ANK2: variants seen among roughly 807,000 people sequenced by gnomAD.
ANK2 encodes the protein ankyrin 2, also known as ankyrin-2.
ANK2 carries 83 observed loss-of-function variants against 360.5 expected under a neutral mutation model. The ratio of observed to expected loss-of-function variants is 0.23; its 90% confidence interval spans 0.19 to 0.28. ANK2 has a LOEUF of 0.28. ANK2 is among the 10% of genes least tolerant of loss of function. The pLI is 1.00. For synonymous variants in ANK2, 1,740 were observed against 1,759.5 expected (o/e 0.99, Z 0.28); for missense variants, 4,201 against 4,795.7 (o/e 0.88, Z 3.66).
At chr4:113,352,597 T>A (rs1349022718) in intron 37 of ANK2, among the ~76,000 whole-genome samples, 1 of 152,194 alleles carries the variant, frequency 6.6e-6, no homozygotes, top group Admixed American at 6.5e-5. Context: ...GGAAATCAAC[T>A]TTCTGCAATT....
chr4:113,060,015 A>G (rs1016446716), intron 1 of ANK2, among the ~76,000 whole-genome samples: 2 of 152,106 alleles, frequency 1.3e-5, no homozygotes, highest in South Asian at 2.1e-4. Context: ...ACACCCAACT[A>G]CGTTACCAAA....
intron 26 of ANK2, among the ~76,000 whole-genome samples, chr4:113,326,956 A>G (rs1171905470): frequency 1.3e-5 from 2 of 152,178 alleles, no homozygotes; most frequent in Non-Finnish European, 2.9e-5. Flanking sequence ...GTGTGCTATG[A>G]TAGCACCACT....
intron 43 of ANK2, chr4:113,372,660 G>C (rs2096780820): frequency 7.1e-7 from 1 of 1,407,034 alleles, no homozygotes; most frequent in East Asian, 2.5e-5. Flanking sequence ...GTCAGGGACA[G>C]TCCTGTCCCC....
At chr4:112,897,170 C>G (rs1204234525) in intron 1 of ANK2, among the ~76,000 whole-genome samples, 1 of 152,156 alleles carries the variant, frequency 6.6e-6, no homozygotes, top group Non-Finnish European at 1.5e-5. Flanking sequence ...TCAGGCAAAA[C>G]TAAAACCATG....
chr4:113,317,091 A>ACTCTCTAGTTTTGT (rs1046359031), intron 24 of ANK2, among the ~76,000 whole-genome samples: 6 of 152,208 alleles, frequency 3.9e-5, no homozygotes, highest in Admixed American at 3.9e-4. Flanking sequence ...TGTTGGAGTC[A>ACTCTCTAGTTTTGT]CTAGAGACAA....
the ANK2 span, among the ~76,000 whole-genome samples, chr4:112,732,159 T>C: frequency 6.6e-6 from 1 of 152,252 alleles, no homozygotes; most frequent in African/African-American, 2.4e-5. Context: ...CCACTGGGTG[T>C]ATCAGCTCAT....
At chr4:112,746,671 T>C in the ANK2 span, among the ~76,000 whole-genome samples, 8 of 152,194 alleles carry the variant, frequency 5.3e-5, no homozygotes, top group African/African-American at 1.9e-4. Context: ...TAAAATTTGG[T>C]TTCATCTGCA....
chr4:112,958,357 C>T (rs113162423), intron 2 of ANK2, among the ~76,000 whole-genome samples: 1 of 152,196 alleles, frequency 6.6e-6, no homozygotes, highest in African/African-American at 2.4e-5. Flanking sequence ...CTCGGGAGGC[C>T]GAGGCTGGCG....
intron 22 of ANK2, among the ~76,000 whole-genome samples, chr4:113,295,220 T>C (rs1048836523): frequency 1.3e-5 from 2 of 152,168 alleles, no homozygotes; most frequent in African/African-American, 4.8e-5. Flanking sequence ...TGCTGAAGAA[T>C]TATCAGTGGT....
chr4:113,320,620 T>A (rs1390112191), intron 26 of ANK2, among the ~76,000 whole-genome samples: 1 of 151,856 alleles, frequency 6.6e-6, no homozygotes, highest in Non-Finnish European at 1.5e-5. Context: ...GCACCACTGC[T>A]CTCCAGCCTG....
At chr4:112,727,049 A>G in the ANK2 span, among the ~76,000 whole-genome samples, 31 of 152,078 alleles carry the variant, frequency 2.0e-4, no homozygotes, top group African/African-American at 7.2e-4. Flanking sequence ...TATATAATTC[A>G]GAGACTAGCT....
chr4:112,749,147 G>T, the ANK2 span, among the ~76,000 whole-genome samples: 3 of 152,096 alleles, frequency 2.0e-5, no homozygotes, highest in Non-Finnish European at 4.4e-5. Context: ...TGATCCACCC[G>T]CCTCGGCCTC....
intron 2 of ANK2, among the ~76,000 whole-genome samples, chr4:113,016,297 C>T (rs2056592815): frequency 6.6e-6 from 1 of 152,112 alleles, no homozygotes; most frequent in African/African-American, 2.4e-5. Context: ...TAATATGTGG[C>T]CCATAGAATC....
intron 2 of ANK2, among the ~76,000 whole-genome samples, chr4:112,996,833 TA>T (rs1003948431): frequency 4.6e-5 from 7 of 152,268 alleles, no homozygotes; most frequent in African/African-American, 1.7e-4. Context: ...TTTTATTCAT[TA>T]TTTTTTATTC....
At chr4:113,097,865 T>TATATATATATATATAC (rs2091797691) in intron 1 of ANK2, among the ~76,000 whole-genome samples, 4 of 111,382 alleles carry the variant, frequency 3.6e-5, no homozygotes, top group African/African-American at 1.3e-4. Context: ...TGTGTGTGTG[T>TATATATATATATATAC]GTATATATAT....
intron 1 of ANK2, among the ~76,000 whole-genome samples, chr4:112,844,083 A>G (rs560092183): frequency 7.2e-5 from 11 of 152,212 alleles, no homozygotes; most frequent in Non-Finnish European, 1.6e-4. Flanking sequence ...GGAAAAATTT[A>G]CTATTGTGAA....
the ANK2 span, chr4:112,738,679 C>T: frequency 1.7e-6 from 1 of 586,716 alleles, no homozygotes; most frequent in South Asian, 1.4e-5. Context: ...ATCACGGCTG[C>T]CCTCAGACCC....
chr4:113,296,199 C>T (rs891308695), intron 22 of ANK2, among the ~76,000 whole-genome samples: 1 of 152,020 alleles, frequency 6.6e-6, no homozygotes. Flanking sequence ...ACTGTTTTCA[C>T]CTAATTTTCA....
intron 1 of ANK2, among the ~76,000 whole-genome samples, chr4:112,844,115 C>T (rs1464473702): frequency 6.6e-6 from 1 of 152,142 alleles, no homozygotes; most frequent in Non-Finnish European, 1.5e-5. Flanking sequence ...ACTCACAGGA[C>T]TGAAATATAT....
Sources: gnomAD v4.1 joint callset for allele counts (sites outside exome capture counted in the v4.1 genomes callset) on GRCh38, gnomAD v4.1.1 for gene constraint, MANE v1.5 for transcripts, NCBI Gene and HGNC (gene_info 2026-07-23, HGNC 2026-07-21) for gene names.